ST6GALNAC3: variants seen among roughly 807,000 people sequenced by gnomAD.
ST6GALNAC3 encodes ST6 N-acetylgalactosaminide alpha-2,6-sialyltransferase 3.
A neutral mutation model predicts 32.7 loss-of-function variants in ST6GALNAC3; 25 were observed. That is an observed-to-expected ratio of 0.76 (90% CI 0.56 to 1.07). The LOEUF (loss-of-function observed/expected upper bound fraction) is 1.07. Ranked by LOEUF, ST6GALNAC3 falls within the 50% of genes least tolerant of loss-of-function variation. The pLI is 0.00. For synonymous variants in ST6GALNAC3, 129 were observed against 133.1 expected (o/e 0.97, Z 0.21); for missense variants, 355 against 382.4 (o/e 0.93, Z 0.60).
At chr1:76,359,433 A>G (rs1649750777) in intron 2 of ST6GALNAC3, among the ~76,000 whole-genome samples, 2 of 152,160 alleles carry the variant, frequency 1.3e-5, no homozygotes. Flanking sequence ...ATGCGGAAAG[A>G]TAGAAATTCA....
intron 1 of ST6GALNAC3, among the ~76,000 whole-genome samples, chr1:76,135,220 AATGTAGC>A (rs1461686694): frequency 6.6e-6 from 1 of 152,186 alleles, no homozygotes; most frequent in African/African-American, 2.4e-5. Flanking sequence ...CCTCCATACA[AATGTAGC>A]ATGGCTAAGA....
At chr1:76,116,290 G>A (rs1320662637) in intron 1 of ST6GALNAC3, among the ~76,000 whole-genome samples, 4 of 152,112 alleles carry the variant, frequency 2.6e-5, no homozygotes, top group African/African-American at 9.7e-5. Context: ...GCTACAGTGA[G>A]GACTTTGGAC....
At chr1:76,466,066 A>G (rs559428969) in intron 3 of ST6GALNAC3, among the ~76,000 whole-genome samples, 3 of 152,138 alleles carry the variant, frequency 2.0e-5, no homozygotes, top group Non-Finnish European at 4.4e-5. Flanking sequence ...TGCTCATATA[A>G]AAATAAATTG....
chr1:76,577,021 G>T, intron 3 of ST6GALNAC3: 2 of 1,187,826 alleles, frequency 1.7e-6, no homozygotes, highest in Non-Finnish European at 2.1e-6. Context: ...GATTAAGATT[G>T]TGGCTTTGTG....
At chr1:76,091,803 C>A (rs1006449985) in intron 1 of ST6GALNAC3, among the ~76,000 whole-genome samples, 2 of 152,178 alleles carry the variant, frequency 1.3e-5, no homozygotes, top group Admixed American at 1.3e-4. Flanking sequence ...GTAGGCTACA[C>A]CATCTAGGTG....
chr1:76,417,574 G>T (rs939478857), intron 3 of ST6GALNAC3, among the ~76,000 whole-genome samples: 1 of 152,104 alleles, frequency 6.6e-6, no homozygotes, highest in African/African-American at 2.4e-5. Flanking sequence ...ATATGCAAAA[G>T]GAATGTTAAC....
chr1:76,627,853 G>A (rs574669073), intron 4 of ST6GALNAC3, among the ~76,000 whole-genome samples: 6 of 152,050 alleles, frequency 3.9e-5, no homozygotes, highest in South Asian at 2.1e-4. Context: ...TAGTGGTTGT[G>A]TAATTTGCAA....
chr1:76,076,393 T>C (rs1199435981), intron 1 of ST6GALNAC3, among the ~76,000 whole-genome samples: 1 of 152,236 alleles, frequency 6.6e-6, no homozygotes, highest in Non-Finnish European at 1.5e-5. Flanking sequence ...ATTTGGGACA[T>C]ATCTGTCCAC....
chr1:76,331,230 A>G (rs1393689354), intron 2 of ST6GALNAC3, among the ~76,000 whole-genome samples: 1 of 152,200 alleles, frequency 6.6e-6, no homozygotes, highest in Non-Finnish European at 1.5e-5. Flanking sequence ...ATGTCTTAAG[A>G]AAGATTATTT....
intron 3 of ST6GALNAC3, among the ~76,000 whole-genome samples, chr1:76,434,816 G>C: frequency 8.0e-6 from 1 of 124,648 alleles, no homozygotes; most frequent in East Asian, 2.1e-4. Context: ...TTTGAGACAG[G>C]GTTTCACTCT....
At chr1:76,186,289 G>A (rs1653551811) in intron 1 of ST6GALNAC3, among the ~76,000 whole-genome samples, 1 of 152,132 alleles carries the variant, frequency 6.6e-6, no homozygotes, top group Non-Finnish European at 1.5e-5. Flanking sequence ...TCCTGCCGTG[G>A]ATTCTCATCC....
intron 2 of ST6GALNAC3, among the ~76,000 whole-genome samples, chr1:76,322,716 A>G (rs570579541): frequency 1.5e-4 from 23 of 152,296 alleles, no homozygotes; most frequent in African/African-American, 4.8e-4. Flanking sequence ...AAATAACTAT[A>G]TGCTTTTATA....
chr1:76,481,392 G>A (rs1659712727), intron 3 of ST6GALNAC3, among the ~76,000 whole-genome samples: 1 of 152,160 alleles, frequency 6.6e-6, no homozygotes, highest in South Asian at 2.1e-4. Context: ...ATGGTTTAGA[G>A]TAGGTGATCT....
intron 1 of ST6GALNAC3, among the ~76,000 whole-genome samples, chr1:76,145,425 T>C (rs1650615291): frequency 6.6e-6 from 1 of 152,158 alleles, no homozygotes; most frequent in Non-Finnish European, 1.5e-5. Context: ...ACCAGGGAGC[T>C]TGTTGGACAC....
intron 3 of ST6GALNAC3, among the ~76,000 whole-genome samples, chr1:76,475,438 G>A (rs1464046332): frequency 6.6e-6 from 1 of 152,160 alleles, no homozygotes; most frequent in Non-Finnish European, 1.5e-5. Flanking sequence ...TCTGGTAAGG[G>A]CACAAGTTAC....
intron 3 of ST6GALNAC3, among the ~76,000 whole-genome samples, chr1:76,530,321 C>A (rs1221444020): frequency 6.6e-6 from 1 of 152,156 alleles, no homozygotes; most frequent in Non-Finnish European, 1.5e-5. Context: ...AACATGTAAA[C>A]CAGCAGGGCT....
At chr1:76,401,903 C>G (rs1316028057) in intron 2 of ST6GALNAC3, among the ~76,000 whole-genome samples, 2 of 152,174 alleles carry the variant, frequency 1.3e-5, no homozygotes, top group African/African-American at 4.8e-5. Flanking sequence ...AGAAACAGAG[C>G]TCACCTATTC....
chr1:76,431,899 GT>G (rs1407108233), intron 3 of ST6GALNAC3, among the ~76,000 whole-genome samples: 1 of 152,098 alleles, frequency 6.6e-6, no homozygotes, highest in African/African-American at 2.4e-5. Flanking sequence ...CATTCTATGG[GT>G]TTATACAAAT....
intron 1 of ST6GALNAC3, among the ~76,000 whole-genome samples, chr1:76,311,423 C>G (rs1460852592): frequency 6.6e-6 from 1 of 152,148 alleles, no homozygotes; most frequent in Non-Finnish European, 1.5e-5. Flanking sequence ...AATGCTCTCC[C>G]TCTCCTAGCC....
Sources: allele counts gnomAD v4.1 joint callset (sites outside exome capture counted in the v4.1 genomes callset), GRCh38; gene constraint gnomAD v4.1.1; transcripts MANE v1.5; gene names NCBI Gene and HGNC (gene_info 2026-07-23, HGNC 2026-07-21).